Variants in MAN1A2 observed in about 807,000 individuals in gnomAD.
The protein encoded by MAN1A2 is mannosyl-oligosaccharide 1,2-alpha-mannosidase IB.
In MAN1A2, 26 loss-of-function variants were observed where a neutral mutation model predicts 75.7. The observed-to-expected ratio is 0.34, with a 90% CI of 0.25 to 0.48. The LOEUF (loss-of-function observed/expected upper bound fraction) is 0.48. MAN1A2 is among the 20% of genes least tolerant of loss of function. The pLI, the probability that MAN1A2 is intolerant of heterozygous loss-of-function variation, is 0.99. For missense variants in MAN1A2, 562 were observed against 775.5 expected (o/e 0.72, Z 3.27); for synonymous variants, 247 against 264.6 (o/e 0.93, Z 0.65).
chr1:117,473,904 G>A (rs1216641835), intron 8 of MAN1A2, among the ~76,000 whole-genome samples: 2 of 151,820 alleles, frequency 1.3e-5, no homozygotes, highest in East Asian at 1.9e-4. Flanking sequence ...GAGCAGTAGG[G>A]GACTTAAGAC....
chr1:117,496,668 A>G, intron 9 of MAN1A2, 95 bp from the exon 10 acceptor site: 1 of 868,820 alleles, frequency 1.2e-6, no homozygotes, highest in Non-Finnish European at 1.8e-6. Context: ...ATAGACTATC[A>G]TATTACCCAG....
At chr1:117,484,156 C>T (rs10923316) in intron 8 of MAN1A2, among the ~76,000 whole-genome samples, 114,512 of 151,716 alleles carry the variant, frequency 0.75, 43,360 homozygotes, top group Middle Eastern at 0.81. Flanking sequence ...GTGCATATTT[C>T]GTATGTTATA....
At chr1:117,493,876 T>G (rs915431340) in intron 9 of MAN1A2, 6 of 152,108 alleles carry the variant, frequency 3.9e-5, no homozygotes, top group African/African-American at 1.4e-4. Context: ...CTGGAAAAAC[T>G]TCTGACTTTA....
At chr1:117,445,872 G>GTATATATATATA (rs1300576603) in intron 6 of MAN1A2, among the ~76,000 whole-genome samples, 2 of 114,126 alleles carry the variant, frequency 1.8e-5, no homozygotes, top group Non-Finnish European at 3.6e-5. Flanking sequence ...GTGTGTGTGT[G>GTATATATATATA]TCTGTGTGTG....
intron 1 of MAN1A2, among the ~76,000 whole-genome samples, chr1:117,391,864 T>C (rs1570705371): frequency 6.6e-6 from 1 of 152,338 alleles, no homozygotes; most frequent in East Asian, 1.9e-4. Context: ...ATCCAGTCAG[T>C]ATTGTGAAAA....
At chr1:117,407,217 A>AG (rs779615226) in intron 3 of MAN1A2, among the ~76,000 whole-genome samples, 1 of 152,156 alleles carries the variant, frequency 6.6e-6, no homozygotes, top group Non-Finnish European at 1.5e-5. Context: ...TAAGCTAAGT[A>AG]GGAATAGATC....
At position 117,460,524 on chromosome 1, in the gene MAN1A2, G is replaced by A; in HGVS notation, c.986G>A (p.Gly329Asp). 2 of 1,612,740 alleles carry A rather than the reference G, an allele frequency of 1.2e-6. No homozygotes were observed. Among genetic ancestry groups the A allele is most frequent in the South Asian group, 1.1e-5 (1 of 90,926 alleles). Residue 329 changes from glycine to aspartate, a missense_variant, in exon 7 of 13, where the codon GGT (glycine) becomes GAT (aspartate). Transcript: ENST00000356554. The stretch of plus-strand genomic sequence containing the variant: ...CGAAACTGGGGCTGGGCATCTGCAG[G>A]TAGCAGCATTCTGGCTGAATTTGGT... The part of the protein sequence containing the change: ...VGRNWGWASA[G>D]SSILAEFGTL...
chr1:117,394,560 T>G (rs1653846772), intron 1 of MAN1A2, among the ~76,000 whole-genome samples: 2 of 152,158 alleles, frequency 1.3e-5, no homozygotes, highest in Non-Finnish European at 2.9e-5. Flanking sequence ...AGAAGTTCTC[T>G]TTTTCTCCAT....
At chr1:117,402,130 G>A in intron 1 of MAN1A2, 56 bp from the exon 2 acceptor site, 1 of 1,513,158 alleles carries the variant, frequency 6.6e-7, no homozygotes, top group Non-Finnish European at 8.9e-7. Flanking sequence ...TATATTTAAA[G>A]GTTGACATTC....
chr1:117,467,323 T>C (rs1364367007), intron 8 of MAN1A2, among the ~76,000 whole-genome samples: 1 of 152,176 alleles, frequency 6.6e-6, no homozygotes, highest in Non-Finnish European at 1.5e-5. Context: ...GATCATTTAA[T>C]TTTAGTATTG....
chr1:117,436,804 T>G (rs909730170), intron 5 of MAN1A2, among the ~76,000 whole-genome samples: 1 of 152,226 alleles, frequency 6.6e-6, no homozygotes, highest in African/African-American at 2.4e-5. Flanking sequence ...GCAAATGAAC[T>G]TGAAGCTTTG....
chr1:117,369,674 C>G (rs184071548), intron 1 of MAN1A2, among the ~76,000 whole-genome samples: 3 of 152,060 alleles, frequency 2.0e-5, no homozygotes, highest in Non-Finnish European at 4.4e-5. Flanking sequence ...TCTTTTGTAA[C>G]TAAGTTAATT....
intron 1 of MAN1A2, among the ~76,000 whole-genome samples, chr1:117,377,595 T>C (rs1298137007): frequency 1.3e-5 from 2 of 152,176 alleles, no homozygotes; most frequent in Non-Finnish European, 2.9e-5. Context: ...TAACATGACA[T>C]ATTGTAAGTG....
chr1:117,503,798 C>T (rs1651271510), intron 12 of MAN1A2, among the ~76,000 whole-genome samples: 1 of 151,462 alleles, frequency 6.6e-6, no homozygotes, highest in South Asian at 2.1e-4. Context: ...TTCTAGTATA[C>T]TTGTAGTTTA....
intron 4 of MAN1A2, among the ~76,000 whole-genome samples, chr1:117,415,162 G>A (rs1364784410): frequency 6.6e-6 from 1 of 152,000 alleles, no homozygotes; most frequent in African/African-American, 2.4e-5. Context: ...TAAGTCACAC[G>A]CCCAGCACAG....
At chr1:117,515,027 A>G in intron 12 of MAN1A2, 1 of 389,644 alleles carries the variant, frequency 2.6e-6, no homozygotes, top group East Asian at 6.2e-5. Flanking sequence ...TATGAAATGT[A>G]TACTCTACCC....
chr1:117,422,327 T>G (rs937206212), intron 5 of MAN1A2, among the ~76,000 whole-genome samples: 16 of 152,112 alleles, frequency 1.1e-4, no homozygotes, highest in African/African-American at 3.9e-4. Context: ...AGTTTATTCC[T>G]TTTTACTGTA....
At chr1:117,480,393 T>C (rs1411347841) in intron 8 of MAN1A2, among the ~76,000 whole-genome samples, 1 of 151,894 alleles carries the variant, frequency 6.6e-6, no homozygotes, top group Non-Finnish European at 1.5e-5. Flanking sequence ...TTGTTTGTTT[T>C]CCATCATTTA....
intron 1 of MAN1A2, among the ~76,000 whole-genome samples, chr1:117,369,966 T>C (rs188624753): frequency 6.6e-5 from 10 of 152,336 alleles, no homozygotes; most frequent in Admixed American, 2.0e-4. Context: ...TGTCATGTAC[T>C]AAGCAGTTTA....
Sources: gnomAD v4.1 joint callset for allele counts (sites outside exome capture counted in the v4.1 genomes callset) on GRCh38, gnomAD v4.1.1 for gene constraint, MANE v1.5 for transcripts, NCBI Gene and HGNC (gene_info 2026-07-23, HGNC 2026-07-21) for gene names.